The following POU2F1 variants were observed in gnomAD, a reference collection of about 807,000 sequenced individuals.
POU2F1 encodes the protein POU domain, class 2, transcription factor 1.
In POU2F1, 16 loss-of-function variants were observed where a neutral mutation model predicts 84.9. The observed-to-expected ratio is 0.19, with a 90% confidence interval of 0.13 to 0.29. POU2F1 has a LOEUF of 0.29. Ranked by LOEUF, POU2F1 falls within the 10% of genes least tolerant of loss-of-function variation. The pLI is 1.00. For missense variants in POU2F1, 738 were observed against 942.6 expected (o/e 0.78, Z 2.84); for synonymous variants, 368 against 368.3 (o/e 1.00, Z 0.01).
intron 9 of POU2F1, among the ~76,000 whole-genome samples, chr1:167,395,721 C>T (rs1046413498): frequency 1.3e-5 from 2 of 151,938 alleles, no homozygotes; most frequent in Non-Finnish European, 2.9e-5. Context: ...CCTTCCACCT[C>T]AGCCTCCCAA....
At position 167,416,590 on chromosome 1, in the gene POU2F1, T is replaced by C. The variant is rs1360404334; in HGVS notation, c.*780T>C. 1 of 153,074 alleles carries C rather than the reference T, an allele frequency of 6.5e-6. No individual in the cohort carries two copies. The highest frequency in any genetic ancestry group is 1.5e-5 in the Non-Finnish European group (1 of 68,754). 9.5% of individuals were successfully genotyped at this position (153,074 alleles called of 1,614,324 possible). A position where few individuals can be genotyped will look rare whatever the true frequency, so the allele number is the denominator to read the frequency against. ...ACAGAGGTGCTAGAAAATTATTTTC[T>C]TTTGCCACTTATGCAAGAGGCTTGG... On this transcript the variant is annotated 3_prime_UTR_variant, in exon 16 of 16. Transcript: ENST00000367866.
intron 1 of POU2F1, among the ~76,000 whole-genome samples, chr1:167,303,193 G>C (rs1253195545): frequency 6.6e-6 from 1 of 151,926 alleles, no homozygotes; most frequent in Non-Finnish European, 1.5e-5. Flanking sequence ...ACCTGAGTAG[G>C]CTGTTTTATC....
intron 1 of POU2F1, among the ~76,000 whole-genome samples, chr1:167,292,028 CGT>C (rs146381984): frequency 2.9e-4 from 43 of 149,866 alleles, no homozygotes; most frequent in African/African-American, 7.3e-4. Context: ...AAAATCTGTG[CGT>C]GTGTGTGTGT....
intron 3 of POU2F1, among the ~76,000 whole-genome samples, chr1:167,368,186 G>A (rs958989943): frequency 6.6e-6 from 1 of 152,154 alleles, no homozygotes; most frequent in Non-Finnish European, 1.5e-5. Flanking sequence ...TCCTCAGCAT[G>A]TCTTTGTCTT....
At chr1:167,375,331 G>A (rs1264881207) in intron 6 of POU2F1, among the ~76,000 whole-genome samples, 1 of 152,074 alleles carries the variant, frequency 6.6e-6, no homozygotes, top group Non-Finnish European at 1.5e-5. Flanking sequence ...TTTGATTTTG[G>A]CCACTTTCTC....
intron 11 of POU2F1, 120 bp from the exon 12 acceptor site, chr1:167,399,066 G>A (rs2101912966): frequency 1.2e-6 from 1 of 851,062 alleles, no homozygotes; most frequent in Non-Finnish European, 1.8e-6. Context: ...GTTGAAAGTG[G>A]CCTAATGTGG....
At chr1:167,367,977 T>G (rs1021963569) in intron 3 of POU2F1, among the ~76,000 whole-genome samples, 7 of 152,172 alleles carry the variant, frequency 4.6e-5, no homozygotes, top group Admixed American at 6.5e-5. Context: ...CATTTACTTC[T>G]AAATACTTCA....
chr1:167,288,507 A>C (rs1414046122), intron 1 of POU2F1, among the ~76,000 whole-genome samples: 1 of 152,100 alleles, frequency 6.6e-6, no homozygotes, highest in African/African-American at 2.4e-5. Flanking sequence ...CAGGCAACAT[A>C]ATGAGGCCCC....
intron 8 of POU2F1, chr1:167,387,299 G>A (rs1648049577): frequency 2.2e-6 from 1 of 448,298 alleles, no homozygotes; most frequent in African/African-American, 2.0e-5. Flanking sequence ...GCTACTTCAG[G>A]CCCGGAGATG....
Position 167,364,974 on chromosome 1 carries a change from C to A in POU2F1, c.128-493C>A, listed in dbSNP as rs941501713. On this transcript the variant is annotated intron_variant, in intron 2 of 15. Transcript: ENST00000367866. ...AAGGAATTAGTACAGCTATTGTTTT[C>A]TTTATGCTTATCATGGAGAAGGTTG... Among the ~76,000 whole-genome samples the A allele has an allele frequency of 6.6e-4, 101 of 152,304 alleles. 1 individual carries two copies. Among genetic ancestry groups the A allele is most frequent in the Middle Eastern group, 3.4e-3 (1 of 294 alleles).
chr1:167,357,993 G>A (rs568157160), intron 2 of POU2F1, among the ~76,000 whole-genome samples: 65 of 151,494 alleles, frequency 4.3e-4, no homozygotes, highest in Admixed American at 4.3e-3. Context: ...TAGTAGAGAT[G>A]GGGTTTCACC....
intron 2 of POU2F1, among the ~76,000 whole-genome samples, chr1:167,349,126 TTC>T (rs1658394306): frequency 3.3e-5 from 5 of 152,154 alleles, no homozygotes; most frequent in Admixed American, 6.5e-5. Context: ...CCACGGTGTC[TTC>T]TACTTTTGGT....
At chr1:167,275,604 C>T (rs1652675049) in intron 1 of POU2F1, among the ~76,000 whole-genome samples, 2 of 152,034 alleles carry the variant, frequency 1.3e-5, no homozygotes, top group African/African-American at 4.8e-5. Flanking sequence ...ATTATGGGAT[C>T]TTAACATTTG....
intron 11 of POU2F1, 53 bp from the exon 12 acceptor site, chr1:167,399,133 C>T: frequency 6.5e-7 from 1 of 1,529,552 alleles, no homozygotes; most frequent in South Asian, 1.2e-5. Flanking sequence ...GCCAGTAGTT[C>T]AAAAAGTTAT....
chr1:167,397,291 A>G (rs1247377667), intron 10 of POU2F1, among the ~76,000 whole-genome samples: 1 of 152,228 alleles, frequency 6.6e-6, no homozygotes, highest in Non-Finnish European at 1.5e-5. Context: ...TACCAATAAA[A>G]TGAGAGGCCA....
At chr1:167,221,250 C>G (rs1057047065) in intron 1 of POU2F1, among the ~76,000 whole-genome samples, 1 of 151,270 alleles carries the variant, frequency 6.6e-6, no homozygotes. Context: ...TCGGCACCGG[C>G]CCTCCTCCTC....
At chr1:167,387,531 A>G (rs1022471310) in intron 8 of POU2F1, among the ~76,000 whole-genome samples, 4 of 152,234 alleles carry the variant, frequency 2.6e-5, no homozygotes, top group Non-Finnish European at 4.4e-5. Flanking sequence ...TCGCCTGTGT[A>G]ATGCTTATTC....
chr1:167,329,246 G>T, intron 1 of POU2F1: 2 of 1,543,874 alleles, frequency 1.3e-6, no homozygotes, highest in South Asian at 2.4e-5. Flanking sequence ...TTCCTTGTTT[G>T]GACTCTCTGC....
chr1:167,251,374 G>C (rs1019196068), intron 1 of POU2F1, among the ~76,000 whole-genome samples: 2 of 152,104 alleles, frequency 1.3e-5, no homozygotes, highest in Admixed American at 6.6e-5. Context: ...ACTCCAGCCT[G>C]GGTGACAGAG....
Sources: allele counts gnomAD v4.1 joint callset (sites outside exome capture counted in the v4.1 genomes callset), GRCh38; gene constraint gnomAD v4.1.1; transcripts MANE v1.5; gene names NCBI Gene and HGNC (gene_info 2026-07-23, HGNC 2026-07-21).